Variants in PRRC2B observed in about 807,000 individuals in gnomAD.
PRRC2B encodes protein PRRC2B.
In PRRC2B, 68 loss-of-function variants were observed where a neutral mutation model predicts 242.3. The ratio of observed to expected loss-of-function variants is 0.28; its 90% confidence interval spans 0.23 to 0.34. The LOEUF is 0.34. Among genes scored for constraint, PRRC2B ranks in the 10% least tolerant of loss-of-function variants. The pLI, the probability that PRRC2B is intolerant of heterozygous loss-of-function variation, is 1.00. For synonymous variants in PRRC2B, 1,228 were observed against 1,173.6 expected (o/e 1.05, Z -0.95); for missense variants, 2,835 against 2,954.8 (o/e 0.96, Z 0.94).
rs1170128852 is a variant in PRRC2B at position 131,471,076 on chromosome 9, T to G, written c.2107+93T>G. ...CTCGAGTTAAACAGATACACCTGGA[T>G]TTTGGTCTGGCTCTTTGTCAAGTAC... is the stretch of plus-strand genomic sequence containing the variant. On this transcript the variant is annotated intron_variant, in intron 14 of 31. Coordinates refer to ENST00000683519, the MANE Select transcript of PRRC2B (RefSeq NM_013318.4). 4 of 903,802 alleles carry G rather than the reference T, an allele frequency of 4.4e-6. No individual in the cohort carries two copies. In the African/African-American group the frequency reaches 7.0e-5, roughly 16 times the overall value. The allele number at this position is 903,802 out of a possible 1,614,324, so 56.0% of individuals were successfully genotyped here. A position where few individuals can be genotyped will look rare whatever the true frequency, so the allele number is the denominator to read the frequency against.
chr9:131,465,498 G>A (rs1040486221), intron 12 of PRRC2B, among the ~76,000 whole-genome samples: 3 of 152,110 alleles, frequency 2.0e-5, no homozygotes, highest in Non-Finnish European at 4.4e-5. Flanking sequence ...CTGCCAGCAC[G>A]CGGAGGGGTG....
chr9:131,468,861 C>T (rs7032291), intron 13 of PRRC2B, among the ~76,000 whole-genome samples: 149,161 of 152,280 alleles, frequency 0.98, 73,136 homozygotes, highest in East Asian at 1. Flanking sequence ...TTCCAGGGAC[C>T]GCCTTTAATG....
rs745726683 is a variant in PRRC2B, at chr9:131,470,779, T to G, written c.1912-9T>G. ...CAGCCTGACCAAGTCTCTCTCTCTC[T>G]GTGGGCAGGAGCAGCTGTACAAGAT... On this transcript the variant is annotated splice_polypyrimidine_tract_variant and intron_variant, in intron 13 of 31. Coordinates refer to ENST00000683519, the MANE Select transcript of PRRC2B (RefSeq NM_013318.4). 6.2e-7 allele frequency: 1 copy of G among 1,610,322 alleles called. No homozygotes were observed. Among genetic ancestry groups the G allele is most frequent in the Admixed American group, 1.7e-5 (1 of 59,874 alleles).
chr9:131,375,025 C>A (rs987100311), intron 1 of PRRC2B, among the ~76,000 whole-genome samples: 1 of 152,058 alleles, frequency 6.6e-6, no homozygotes, highest in Non-Finnish European at 1.5e-5. Flanking sequence ...GACAGACTAC[C>A]CAGGTTTGAG....
Position 131,394,236 on chromosome 9 carries a change from C to A in PRRC2B, c.-79C>A, listed in dbSNP as rs866858387. On this transcript the variant is annotated 5_prime_UTR_variant, in exon 1 of 32. Transcript: ENST00000683519. ...CCGCCGCCCGACTGCCATCGCCCGGCCCGGCCGCGCCCGCGGAACCAGACC... is the reference window on the plus strand; with the variant it reads ...CCGCCGCCCGACTGCCATCGCCCGGACCGGCCGCGCCCGCGGAACCAGACC... 1.4e-4 allele frequency: 21 copies of A among 148,062 alleles called. No homozygotes were observed. Among genetic ancestry groups the A allele is most frequent in the Admixed American group, 1.0e-3 (15 of 14,834 alleles). The allele number at this position is 148,062 out of a possible 1,614,324, so 9.2% of individuals were successfully genotyped here.
chr9:131,486,138 C>G lies in PRRC2B; in HGVS notation c.5812C>G (p.Arg1938Gly). 1 of 1,612,944 alleles carries G rather than the reference C, an allele frequency of 6.2e-7. No homozygotes were observed. Among genetic ancestry groups the G allele is most frequent in the Non-Finnish European group, 8.5e-7 (1 of 1,179,466 alleles). Reference sequence around the variant, plus strand: ...TGGCCATGTGTTTGCAAGTCAGCCCCGGCTGGTTCCTCAAACGATACCTCA... The same window carrying G: ...TGGCCATGTGTTTGCAAGTCAGCCCGGGCTGGTTCCTCAAACGATACCTCA... Reference protein sequence around the residue: ...LDGHVFASQPRLVPQTIPQQQ... With the variant: ...LDGHVFASQPGLVPQTIPQQQ... The change falls in exon 26 of 32, where the codon CGG becomes GGG. Residue 1938 changes from arginine to glycine, a missense_variant. Coordinates refer to ENST00000683519, the MANE Select transcript of PRRC2B (RefSeq NM_013318.4).
intron 28 of PRRC2B, chr9:131,490,773 A>G: frequency 2.7e-6 from 1 of 366,384 alleles, no homozygotes. Flanking sequence ...CAAAACAGTA[A>G]GAGTCTTGAA....
intron 13 of PRRC2B, among the ~76,000 whole-genome samples, chr9:131,469,996 G>A (rs148455350): frequency 3.0e-4 from 46 of 152,196 alleles, no homozygotes; most frequent in African/African-American, 1.0e-3. Flanking sequence ...ACCTGGTCTC[G>A]TCTGGGGGTT....
Position 131,416,058 on chromosome 9 carries a change from A to G in PRRC2B, c.-51-14036A>G, listed in dbSNP as rs144302049. ...TGTGACTAGCATTATCCCATCGCTC[A>G]TTTTCTGAGATTTGTTTGGCTTGCT... On this transcript the variant is annotated intron_variant, in intron 1 of 31. Coordinates refer to ENST00000683519, the MANE Select transcript of PRRC2B (RefSeq NM_013318.4). Among the ~76,000 whole-genome samples, 50 of 147,392 alleles carry G rather than the reference A, an allele frequency of 3.4e-4. No homozygotes were observed. The East Asian group carries it at 9.9e-3, about 29-fold the overall frequency.
At chr9:131,463,233 A>G (rs1429208688) in intron 11 of PRRC2B, among the ~76,000 whole-genome samples, 1 of 152,192 alleles carries the variant, frequency 6.6e-6, no homozygotes, top group Non-Finnish European at 1.5e-5. Flanking sequence ...GAAGTTTATA[A>G]TCTTATGATT....
At chr9:131,419,626 G>A (rs1837744326) in intron 1 of PRRC2B, among the ~76,000 whole-genome samples, 1 of 152,202 alleles carries the variant, frequency 6.6e-6, no homozygotes, top group African/African-American at 2.4e-5. Flanking sequence ...CTGAGGACAA[G>A]TGCTGGGTCA....
intron 11 of PRRC2B, among the ~76,000 whole-genome samples, chr9:131,460,332 A>G (rs999637594): frequency 1.3e-5 from 2 of 152,096 alleles, no homozygotes; most frequent in African/African-American, 2.4e-5. Context: ...CTTCACTTTC[A>G]TGACTTTGAG....
chr9:131,425,763 C>T (rs929826394), intron 1 of PRRC2B, among the ~76,000 whole-genome samples: 8 of 151,810 alleles, frequency 5.3e-5, no homozygotes, highest in Admixed American at 2.0e-4. Context: ...GCTGGGATTA[C>T]AGGCGTGAGC....
chr9:131,453,753 A>G (rs1239679315), intron 9 of PRRC2B, among the ~76,000 whole-genome samples: 2 of 152,124 alleles, frequency 1.3e-5, no homozygotes, highest in African/African-American at 4.8e-5. Flanking sequence ...GGCTGGTTCA[A>G]ATTCTGGGCC....
chr9:131,413,892 G>C (rs1342686542), intron 1 of PRRC2B, among the ~76,000 whole-genome samples: 2 of 150,084 alleles, frequency 1.3e-5, no homozygotes, highest in Non-Finnish European at 3.0e-5. Flanking sequence ...GGATGGTCTT[G>C]ATCTCCTGAC....
At chr9:131,414,895 C>A (rs191143018) in intron 1 of PRRC2B, among the ~76,000 whole-genome samples, 1 of 151,938 alleles carries the variant, frequency 6.6e-6, no homozygotes, top group East Asian at 1.9e-4. Context: ...TGTTGGTCGT[C>A]ATTCTGGGAC....
chr9:131,377,794 C>T (rs776665725), intron 1 of PRRC2B, among the ~76,000 whole-genome samples: 1 of 152,146 alleles, frequency 6.6e-6, no homozygotes, highest in Non-Finnish European at 1.5e-5. Context: ...CTTGCCCTCT[C>T]GCCCAGGCTA....
At chr9:131,448,576 G>GAAAA (rs1838904510) in intron 9 of PRRC2B, among the ~76,000 whole-genome samples, 1 of 55,564 alleles carries the variant, frequency 1.8e-5, no homozygotes, top group Non-Finnish European at 4.2e-5. Context: ...AAAAAGGAAA[G>GAAAA]AGAAAGAGTC....
intron 11 of PRRC2B, among the ~76,000 whole-genome samples, chr9:131,459,973 A>C (rs1412344652): frequency 0.016 from 189 of 11,742 alleles, no homozygotes; most frequent in African/African-American, 0.028. Flanking sequence ...CTATCTCCAA[A>C]AAAAAAAAAA....
Sources: allele counts gnomAD v4.1 joint callset (sites outside exome capture counted in the v4.1 genomes callset), GRCh38; gene constraint gnomAD v4.1.1; transcripts MANE v1.5; gene names NCBI Gene and HGNC (gene_info 2026-07-23, HGNC 2026-07-21).